The following EBF2 variants were observed in gnomAD, a reference collection of about 807,000 sequenced individuals.
EBF2 encodes EBF transcription factor 2, also known as transcription factor COE2.
In EBF2, 21 loss-of-function variants were observed where a neutral mutation model predicts 72.8. The ratio of observed to expected loss-of-function variants is 0.29; its 90% CI spans 0.20 to 0.42. The LOEUF (loss-of-function observed/expected upper bound fraction) is 0.42, where lower values mean the gene tolerates loss of function less well. Among genes scored for constraint, EBF2 ranks in the 10% least tolerant of loss-of-function variants. The probability of loss-of-function intolerance (pLI) is 1.00; values close to 1 mark genes in which losing one functional copy is unlikely to be tolerated. For synonymous variants in EBF2, 299 were observed against 274.2 expected (o/e 1.09, Z -0.89); for missense variants, 637 against 731.2 (o/e 0.87, Z 1.49).
At chr8:25,862,636 A>G in intron 11 of EBF2, 73 bp downstream of exon 11, 1 of 1,252,120 alleles carries the variant, frequency 8.0e-7, no homozygotes, top group Non-Finnish European at 1.1e-6. Context: ...TGGGATGTAA[A>G]TGCCTGCATT....
intron 6 of EBF2, among the ~76,000 whole-genome samples, chr8:26,029,324 A>G (rs981098010): frequency 6.6e-6 from 1 of 152,198 alleles, no homozygotes; most frequent in African/African-American, 2.4e-5. Context: ...TCTCATCCCA[A>G]TCAAAAACTC....
intron 6 of EBF2, among the ~76,000 whole-genome samples, chr8:25,927,621 T>G (rs73225941): frequency 0.037 from 5,662 of 152,100 alleles, 149 homozygotes; most frequent in Middle Eastern, 0.075. Context: ...TGGTGCACAT[T>G]AAACCTCACA....
rs575741794 is a variant in EBF2 at position 26,018,284 on chromosome 8, GAC to G, written c.551+14799_551+14800del. Among the ~76,000 whole-genome samples the G allele has an allele frequency of 4.3e-3, 646 of 151,324 alleles. 4 individuals are homozygous for G. Among genetic ancestry groups the G allele is most frequent in the African/African-American group, 0.015 (617 of 41,206 alleles). On this transcript the variant is annotated intron_variant, in intron 6 of 15. Transcript: ENST00000520164. ...AGAGGGAGGAGAGACAGAAAAAAAA[GAC>G]AGACATAAAATGAGAGGAAAGGAAG...
intron 14 of EBF2, among the ~76,000 whole-genome samples, chr8:25,857,674 C>A (rs1802121968): frequency 6.6e-6 from 1 of 152,188 alleles, no homozygotes; most frequent in Non-Finnish European, 1.5e-5. Context: ...AGAGCAGGGA[C>A]TTTGCTGCTA....
At chr8:25,922,970 T>C (rs1352491469) in intron 6 of EBF2, among the ~76,000 whole-genome samples, 1 of 140,068 alleles carries the variant, frequency 7.1e-6, no homozygotes, top group Non-Finnish European at 1.5e-5. Context: ...AAAAAAAAAA[T>C]TCATCCGTTG....
intron 6 of EBF2, among the ~76,000 whole-genome samples, chr8:25,969,446 G>A (rs1804159389): frequency 6.6e-6 from 1 of 152,198 alleles, no homozygotes; most frequent in Admixed American, 6.5e-5. Context: ...AGGAGTAAAG[G>A]CCTGCTGACG....
chr8:25,923,955 A>G (rs1803345453), intron 6 of EBF2, among the ~76,000 whole-genome samples: 1 of 152,234 alleles, frequency 6.6e-6, no homozygotes, highest in Admixed American at 6.5e-5. Flanking sequence ...TGATGCATTG[A>G]AAAGTGAAGA....
chr8:25,926,343 C>T (rs369713122), intron 6 of EBF2, among the ~76,000 whole-genome samples: 9 of 152,202 alleles, frequency 5.9e-5, no homozygotes, highest in East Asian at 3.9e-4. Context: ...AACATTGTGT[C>T]GGGCCTGGGA....
rs1043802725 is a variant in EBF2, at chr8:25,907,238, G to A, written c.633+1236C>T. Reference sequence around the variant, plus strand: ...GTTTGAGACCAACCTGGGCAACATGGCAAAACCCCATCTCTACCAAAAAAT... The same window carrying A: ...GTTTGAGACCAACCTGGGCAACATGACAAAACCCCATCTCTACCAAAAAAT... On this transcript the variant is annotated intron_variant, in intron 7 of 15. Transcript: ENST00000520164. Among the ~76,000 whole-genome samples, 39 of 151,498 alleles carry A rather than the reference G, an allele frequency of 2.6e-4. 1 individual carries two copies. The highest frequency in any genetic ancestry group is 8.3e-4 in the African/African-American group (34 of 41,204).
chr8:26,023,438 G>A (rs1805235607), intron 6 of EBF2, among the ~76,000 whole-genome samples: 1 of 152,160 alleles, frequency 6.6e-6, no homozygotes, highest in Non-Finnish European at 1.5e-5. Context: ...TTGAAGCATG[G>A]CATCATCTGT....
intron 9 of EBF2, among the ~76,000 whole-genome samples, chr8:25,887,304 T>C (rs1802706256): frequency 1.3e-5 from 2 of 152,182 alleles, no homozygotes; most frequent in South Asian, 4.1e-4. Flanking sequence ...CTGCTTGTGA[T>C]TTCAAATATT....
intron 6 of EBF2, among the ~76,000 whole-genome samples, chr8:26,004,199 CT>C (rs1366020939): frequency 1.8e-4 from 28 of 151,882 alleles, no homozygotes; most frequent in Non-Finnish European, 1.5e-5. Flanking sequence ...TATTATAAAT[CT>C]TTTAAACAAT....
chr8:26,040,738 C>G, intron 3 of EBF2, 67 bp from the exon 4 acceptor site: 1 of 1,534,488 alleles, frequency 6.5e-7, no homozygotes, highest in Non-Finnish European at 8.8e-7. Flanking sequence ...AAACCCTTCT[C>G]TGCCATGGGT....
intron 15 of EBF2, among the ~76,000 whole-genome samples, chr8:25,849,733 G>A (rs973110764): frequency 1.3e-5 from 2 of 152,060 alleles, no homozygotes; most frequent in Admixed American, 6.6e-5. Flanking sequence ...TTATATTTTA[G>A]AACATTGCTC....
chr8:25,972,314 C>T (rs1055726577), intron 6 of EBF2, among the ~76,000 whole-genome samples: 16 of 152,120 alleles, frequency 1.1e-4, no homozygotes, highest in Admixed American at 7.2e-4. Flanking sequence ...GGCACCATCC[C>T]TCACCTTGGG....
chr8:26,044,090 C>A lies in EBF2; in HGVS notation c.131+639G>T, dbSNP rs1281646449. 6.6e-6 allele frequency among the ~76,000 whole-genome samples: 1 copy of A among 152,226 alleles called. No homozygotes were observed. Among genetic ancestry groups the A allele is most frequent in the African/African-American group, 2.4e-5 (1 of 41,464 alleles). On this transcript the variant is annotated intron_variant, in intron 1 of 15. Transcript: ENST00000520164. The surrounding 1 kb of genome is among the most constrained non-coding windows in gnomAD (Gnocchi z 4.1). Reference sequence around the variant, plus strand: ...TATTTTCTCTTCTTTTAAATCTCTTCTTTTCTCCAGTTCCCTAGCTCCGTT... The same window carrying A: ...TATTTTCTCTTCTTTTAAATCTCTTATTTTCTCCAGTTCCCTAGCTCCGTT...
intron 6 of EBF2, among the ~76,000 whole-genome samples, chr8:26,021,881 A>G (rs965103346): frequency 2.6e-5 from 4 of 152,232 alleles, no homozygotes; most frequent in Admixed American, 2.6e-4. Flanking sequence ...ATCATACTAC[A>G]AGAACAGCAG....
At position 25,885,749 on chromosome 8, in the gene EBF2, C is replaced by T. The variant is rs550060198; in HGVS notation, c.1009+1006G>A. Reference sequence around the variant, plus strand: ...CTGTCACCATGTAAGATGTGCCTTTCGCCTTCTGCCATGAATATGAGGCCT... The same window carrying T: ...CTGTCACCATGTAAGATGTGCCTTTTGCCTTCTGCCATGAATATGAGGCCT... On this transcript the variant is annotated intron_variant, in intron 10 of 15. Transcript: ENST00000520164. 7.2e-5 allele frequency among the ~76,000 whole-genome samples: 11 copies of T among 152,288 alleles called. No individual in the cohort carries two copies. In the South Asian group the frequency reaches 1.0e-3, roughly 14 times the overall value.
chr8:25,934,675 C>A (rs1803543624), intron 6 of EBF2, among the ~76,000 whole-genome samples: 1 of 152,186 alleles, frequency 6.6e-6, no homozygotes, highest in African/African-American at 2.4e-5. Flanking sequence ...ATGGCTGGAG[C>A]TCGCACGACA....
Sources: gnomAD v4.1 joint callset for allele counts (sites outside exome capture counted in the v4.1 genomes callset) on GRCh38, gnomAD v4.1.1 for gene constraint, Gnocchi (gnomAD v3.1) non-coding constraint, MANE v1.5 for transcripts, NCBI Gene and HGNC (gene_info 2026-07-23, HGNC 2026-07-21) for gene names.